BNC2: variants seen among roughly 807,000 people sequenced by gnomAD.
BNC2 encodes the protein basonuclin zinc finger protein 2, also known as zinc finger protein basonuclin-2.
BNC2 carries 20 observed loss-of-function variants against 76.3 expected under a neutral mutation model. The ratio of observed to expected loss-of-function variants is 0.26; its 90% CI spans 0.18 to 0.38. BNC2 has a LOEUF of 0.38. Ranked by LOEUF, BNC2 falls within the 10% of genes least tolerant of loss-of-function variation. The pLI, the probability that BNC2 is intolerant of heterozygous loss-of-function variation, is 1.00. For synonymous variants in BNC2, 582 were observed against 514.8 expected (o/e 1.13, Z -1.77); for missense variants, 1,382 against 1,399.8 (o/e 0.99, Z 0.20).
chr9:16,504,356 C>CAGAATCA (rs1822582125), intron 5 of BNC2, among the ~76,000 whole-genome samples: 2 of 129,376 alleles, frequency 1.5e-5, no homozygotes, highest in African/African-American at 4.0e-5. Flanking sequence ...TTCCAGAATC[C>CAGAATCA]AAGTCCACAT....
intron 3 of BNC2, among the ~76,000 whole-genome samples, chr9:16,724,054 A>G (rs964642509): frequency 1.3e-5 from 2 of 151,918 alleles, no homozygotes; most frequent in Non-Finnish European, 2.9e-5. Context: ...TATAATCCTA[A>G]CTTAGTATTT....
intron 1 of BNC2, among the ~76,000 whole-genome samples, chr9:16,757,897 A>G (rs1306373857): frequency 6.6e-6 from 1 of 152,210 alleles, no homozygotes; most frequent in Non-Finnish European, 1.5e-5. Context: ...ATTTTATTCA[A>G]GAAATTACAA....
intron 1 of BNC2, among the ~76,000 whole-genome samples, chr9:16,741,347 G>A (rs565274671): frequency 1.7e-4 from 26 of 152,150 alleles, no homozygotes; most frequent in African/African-American, 6.3e-4. Flanking sequence ...CAACTACTCA[G>A]GAGGCTGAGG....
chr9:16,748,981 A>G (rs1482971908), intron 1 of BNC2, among the ~76,000 whole-genome samples: 2 of 148,170 alleles, frequency 1.3e-5, no homozygotes, highest in East Asian at 3.9e-4. Context: ...TTAATATATA[A>G]TGATGGCCCT....
intron 5 of BNC2, among the ~76,000 whole-genome samples, chr9:16,462,287 T>C (rs369343489): frequency 3.5e-4 from 53 of 152,306 alleles, no homozygotes; most frequent in African/African-American, 1.1e-3. Context: ...AATTTGGCTT[T>C]ATTGTAAGAA....
chr9:16,465,317 T>A (rs1821680857), intron 5 of BNC2, among the ~76,000 whole-genome samples: 1 of 151,550 alleles, frequency 6.6e-6, no homozygotes, highest in South Asian at 2.1e-4. Context: ...GCGCCTGTAG[T>A]CCCAGCTACT....
At position 16,436,835 on chromosome 9, in the gene BNC2, T is replaced by C. The variant is rs772344329; in HGVS notation, c.1359A>G (p.Lys453=). 7.4e-6 allele frequency: 12 copies of C among 1,614,030 alleles called. No individual in the cohort carries two copies. The East Asian group carries it at 2.2e-4, about 30-fold the overall frequency. Residue 453 remains lysine, a synonymous_variant, in exon 6 of 7, where the codon AAA becomes AAG. Transcript: ENST00000380672. ...CNACGKTFYD[K]GTLKIHYNAV... ...CATTGTAATGAATTTTGAGAGTACC[T>C]TTGTCATAGAATGTCTTCCCACATG...
intron 3 of BNC2, among the ~76,000 whole-genome samples, chr9:16,689,095 T>C (rs1214395687): frequency 7.0e-6 from 1 of 143,394 alleles, no homozygotes. Flanking sequence ...GGAGGAAATA[T>C]GGCAGGCTTC....
chr9:16,590,748 A>C (rs1192098823), intron 3 of BNC2, among the ~76,000 whole-genome samples: 1 of 152,154 alleles, frequency 6.6e-6, no homozygotes, highest in East Asian at 1.9e-4. Context: ...TCAAGGATGC[A>C]GTAAACCATG....
intron 5 of BNC2, among the ~76,000 whole-genome samples, chr9:16,463,345 G>T (rs112496140): frequency 8.1e-6 from 1 of 124,118 alleles, no homozygotes; most frequent in East Asian, 2.2e-4. Context: ...CGCCCAGGCT[G>T]GAGTGCAGTG....
chr9:16,580,659 A>C lies in BNC2; in HGVS notation c.433+2324T>G, dbSNP rs1013994167. On this transcript the variant is annotated intron_variant, in intron 4 of 6. Transcript: ENST00000380672. Reference sequence around the variant, plus strand: ...AATAGATAAAACAAACTGGTGACACAGTTAACTTTTATACTCCAAGGCTAC... The same window carrying C: ...AATAGATAAAACAAACTGGTGACACCGTTAACTTTTATACTCCAAGGCTAC... Among the ~76,000 whole-genome samples, 3 of 152,140 alleles carry C rather than the reference A, an allele frequency of 2.0e-5. No individual in the cohort carries two copies. In the East Asian group the frequency reaches 5.8e-4, roughly 29 times the overall value.
At chr9:16,803,229 T>A (rs1817826029) in intron 1 of BNC2, among the ~76,000 whole-genome samples, 1 of 152,172 alleles carries the variant, frequency 6.6e-6, no homozygotes, top group African/African-American at 2.4e-5. Flanking sequence ...TCAAAAATCA[T>A]CAGTGCCAAA....
intron 5 of BNC2, among the ~76,000 whole-genome samples, chr9:16,528,371 T>C (rs1481458316): frequency 1.3e-5 from 2 of 152,226 alleles, no homozygotes; most frequent in African/African-American, 2.4e-5. Context: ...CAAAAACTTG[T>C]TGAGGATATT....
At chr9:16,462,539 A>AG (rs1375249787) in intron 5 of BNC2, among the ~76,000 whole-genome samples, 1 of 152,230 alleles carries the variant, frequency 6.6e-6, no homozygotes, top group Non-Finnish European at 1.5e-5. Context: ...GAAAAGTAAG[A>AG]GAAAAAAAGC....
At chr9:16,595,537 TAA>T (rs1177744368) in intron 3 of BNC2, among the ~76,000 whole-genome samples, 2 of 152,084 alleles carry the variant, frequency 1.3e-5, no homozygotes, top group African/African-American at 4.8e-5. Flanking sequence ...ACCTCTCAGG[TAA>T]TACATTTTTA....
At chr9:16,792,479 G>T (rs147771928) in intron 1 of BNC2, among the ~76,000 whole-genome samples, 1 of 152,150 alleles carries the variant, frequency 6.6e-6, no homozygotes, top group African/African-American at 2.4e-5. Context: ...AAAGATCATT[G>T]CCAGTTAGTT....
In BNC2 at chr9:16,498,190, C is replaced by T. The variant is rs1017892188; in HGVS notation, c.669+54340G>A. 3.1e-4 allele frequency among the ~76,000 whole-genome samples: 42 copies of T among 133,864 alleles called. 1 individual carries two copies. Among genetic ancestry groups the T allele is most frequent in the Non-Finnish European group, 2.9e-4 (19 of 65,710 alleles). 87.8% of individuals were successfully genotyped at this position (133,864 alleles called of 152,430 possible). A position where few individuals can be genotyped will look rare whatever the true frequency, so the allele number is the denominator to read the frequency against. On this transcript the variant is annotated intron_variant, in intron 5 of 6. Transcript: ENST00000380672. ...ATATTCTATCATATATATATTCCAT[C>T]ATATATATATTCCATCATATATATA...
At chr9:16,582,377 C>A (rs1819649820) in intron 4 of BNC2, among the ~76,000 whole-genome samples, 1 of 152,094 alleles carries the variant, frequency 6.6e-6, no homozygotes, top group Admixed American at 6.6e-5. Context: ...CGTGGGGTCT[C>A]CCCACCCCAG....
chr9:16,749,324 C>G (rs1391720515), intron 1 of BNC2, among the ~76,000 whole-genome samples: 2 of 152,074 alleles, frequency 1.3e-5, no homozygotes, highest in African/African-American at 4.8e-5. Context: ...CAGGAACATA[C>G]GTTATTTGGT....
Sources: gnomAD v4.1 joint callset for allele counts (sites outside exome capture counted in the v4.1 genomes callset) on GRCh38, gnomAD v4.1.1 for gene constraint, MANE v1.5 for transcripts, NCBI Gene and HGNC (gene_info 2026-07-23, HGNC 2026-07-21) for gene names.